The following RNF222 variants were observed in gnomAD, a reference collection of about 807,000 sequenced individuals.
RNF222 encodes the protein ring finger protein 222.
RNF222 carries 14 observed loss-of-function variants against 10.8 expected under a neutral mutation model. That is an observed-to-expected ratio of 1.30 (90% confidence interval 0.86 to 2.03). The LOEUF is 2.03. RNF222 is among the 30% of genes most tolerant of loss of function. RNF222 has a pLI of 0.00. For synonymous variants in RNF222, 141 were observed against 142.5 expected (o/e 0.99, Z 0.07); for missense variants, 298 against 295.8 (o/e 1.01, Z -0.06).
Position 8,392,682 on chromosome 17 carries a change from A to T in RNF222, c.*117T>A. ...GAAGCCCAAGGCCCTCTCTGTGCCC[A>T]GGTCCTCCCCTCTGCCTGCCCGCGT... On this transcript the variant is annotated 3_prime_UTR_variant, in exon 3 of 3. Transcript: ENST00000399398. The surrounding 1 kb of genome is among the most constrained non-coding windows in gnomAD (Gnocchi z 4.3). The T allele has an allele frequency of 7.8e-7, 1 of 1,284,972 alleles. No homozygotes were observed. Among genetic ancestry groups the T allele is most frequent in the African/African-American group, 1.5e-5 (1 of 64,950 alleles). 79.6% of individuals were successfully genotyped at this position (1,284,972 alleles called of 1,614,324 possible).
rs970014307 is a variant in RNF222, at chr17:8,391,339, G to C, written c.*1460C>G. ...CTGGCCACTTCTGTAATCTTGAAAT[G>C]AGCACAGAGAAGCCCACAAGTGCTT... is the stretch of plus-strand genomic sequence containing the variant. On this transcript the variant is annotated 3_prime_UTR_variant, in exon 3 of 3. Transcript: ENST00000399398. 2.6e-5 allele frequency: 4 copies of C among 152,192 alleles called. No individual in the cohort carries two copies. Among genetic ancestry groups the C allele is most frequent in the African/African-American group, 7.2e-5 (3 of 41,428 alleles). 9.4% of individuals were successfully genotyped at this position (152,192 alleles called of 1,614,324 possible).
intron 1 of RNF222, among the ~76,000 whole-genome samples, chr17:8,395,997 G>C (rs1908026282): frequency 6.6e-6 from 1 of 152,206 alleles, no homozygotes. Flanking sequence ...TTGGGGATAA[G>C]TAGTGGCCAA....
chr17:8,393,263 C>G lies in RNF222; in HGVS notation c.199G>C (p.Val67Leu), dbSNP rs752923293. The change falls in exon 3 of 3, where the codon GTC becomes CTC. Residue 67 changes from valine to leucine, a missense_variant. Physicochemically the swap from Val to Leu is conservative, Grantham distance 32. Transcript: ENST00000399398. Reference sequence around the variant, plus strand: ...GAGCTCTTCTTGCTGAGGAATGTGACGTAGCGGCAGATGGGGCAGACCAGG... The same window carrying G: ...GAGCTCTTCTTGCTGAGGAATGTGAGGTAGCGGCAGATGGGGCAGACCAGG... ...RTLVCPICRY[V>L]TFLSKKSSRW... 13 of 1,551,224 alleles carry G rather than the reference C, an allele frequency of 8.4e-6. No individual in the cohort carries two copies. Among genetic ancestry groups the G allele is most frequent in the African/African-American group, 4.1e-5 (3 of 73,048 alleles).
Position 8,392,924 on chromosome 17 carries a change from C to T in RNF222, c.538G>A (p.Ala180Thr). 1 of 1,529,948 alleles carries T rather than the reference C, an allele frequency of 6.5e-7. No individual in the cohort carries two copies. The allele number at this position is 1,529,948 out of a possible 1,614,324, so 94.8% of individuals were successfully genotyped here. The change falls in exon 3 of 3, where the codon GCG becomes ACG. Residue 180 changes from alanine to threonine, a missense_variant. By Grantham distance (58) the Ala-to-Thr change is moderately conservative. Coordinates refer to ENST00000399398, the MANE Select transcript of RNF222 (RefSeq NM_001146684.3). The surrounding 1 kb of genome is among the most constrained non-coding windows in gnomAD (Gnocchi z 4.3). ...CAGAAGGCGCGGGCGGAGCGGGGCG[C>T]CAGGGAGGCCTCCGAGAGCTCTGCC... ...SLAELSEASL[A>T]PRSARAFCCR... is the part of the protein sequence containing the mutation.
chr17:8,395,687 C>T (rs1908016306), intron 1 of RNF222, among the ~76,000 whole-genome samples: 2 of 152,150 alleles, frequency 1.3e-5, no homozygotes, highest in Admixed American at 1.3e-4. Context: ...AATAACGGAA[C>T]AAGATGACAA....
chr17:8,392,662 C>T lies in RNF222; in HGVS notation c.*137G>A, dbSNP rs1014620334. On this transcript the variant is annotated 3_prime_UTR_variant, in exon 3 of 3. Coordinates refer to ENST00000399398, the MANE Select transcript of RNF222 (RefSeq NM_001146684.3). This position sits in a 1 kb window ranked among gnomAD's most constrained non-coding sequence, Gnocchi z 4.3. Reference sequence around the variant, plus strand: ...AAGCCCCTGCGGGGGTCGGGGAAGCCCAAGGCCCTCTCTGTGCCCAGGTCC... The same window carrying T: ...AAGCCCCTGCGGGGGTCGGGGAAGCTCAAGGCCCTCTCTGTGCCCAGGTCC... The T allele has an allele frequency of 1.3e-4, 145 of 1,142,122 alleles. No individual in the cohort carries two copies. Among genetic ancestry groups the T allele is most frequent in the Non-Finnish European group, 4.3e-5 (36 of 837,088 alleles). 70.7% of individuals were successfully genotyped at this position (1,142,122 alleles called of 1,614,324 possible). A position where few individuals can be genotyped will look rare whatever the true frequency, so the allele number is the denominator to read the frequency against.
chr17:8,397,440 A>C (rs1297337071), intron 1 of RNF222, among the ~76,000 whole-genome samples: 1 of 151,778 alleles, frequency 6.6e-6, no homozygotes, highest in African/African-American at 2.4e-5. Flanking sequence ...AACACCCCCC[A>C]TCCCCACCTC....
At chr17:8,393,708 T>C (rs901209670) in intron 2 of RNF222, among the ~76,000 whole-genome samples, 5 of 152,136 alleles carry the variant, frequency 3.3e-5, no homozygotes, top group African/African-American at 1.2e-4. Context: ...CAGATGCTTC[T>C]GGAAGGGAGA....
At position 8,392,921 on chromosome 17, in the gene RNF222, G is replaced by A; in HGVS notation, c.541C>T (p.Pro181Ser). 1 of 1,530,536 alleles carries A rather than the reference G, an allele frequency of 6.5e-7. No homozygotes were observed. Among genetic ancestry groups the A allele is most frequent in the Non-Finnish European group, 8.7e-7 (1 of 1,144,344 alleles). The allele number at this position is 1,530,536 out of a possible 1,614,324, so 94.8% of individuals were successfully genotyped here. ...CAGCAGAAGGCGCGGGCGGAGCGGG[G>A]CGCCAGGGAGGCCTCCGAGAGCTCT... ...LAELSEASLAPRSARAFCCRS... is the reference protein window; with the variant it reads ...LAELSEASLASRSARAFCCRS... The change falls in exon 3 of 3, where the codon CCC becomes TCC. Residue 181 changes from proline to serine, a missense_variant. Pro to Ser is a moderately conservative substitution (Grantham distance 74, BLOSUM62 -1). Transcript: ENST00000399398. This position sits in a 1 kb window ranked among gnomAD's most constrained non-coding sequence, Gnocchi z 4.3.
At position 8,393,568 on chromosome 17, in the gene RNF222, C is replaced by T. The variant is rs951933611; in HGVS notation, c.-25-82G>A. On this transcript the variant is annotated intron_variant, in intron 2 of 2. Coordinates refer to ENST00000399398, the MANE Select transcript of RNF222 (RefSeq NM_001146684.3). ...TAACTCCCACCTACACCTCTGCCTC[C>T]ACTGCCCCTTATCCCCTCTCCCTGT... The T allele has an allele frequency of 5.5e-6, 8 of 1,450,970 alleles. No homozygotes were observed. The African/African-American group carries it at 8.5e-5, about 15-fold the overall frequency. 89.9% of individuals were successfully genotyped at this position (1,450,970 alleles called of 1,614,324 possible).
At chr17:8,394,969 A>G (rs901138874) in intron 1 of RNF222, among the ~76,000 whole-genome samples, 1 of 152,204 alleles carries the variant, frequency 6.6e-6, no homozygotes, top group African/African-American at 2.4e-5. Context: ...CATCCATGAC[A>G]GAGACAAAAG....
At position 8,391,821 on chromosome 17, in the gene RNF222, C is replaced by G. The variant is rs1277007756; in HGVS notation, c.*978G>C. 6.6e-6 allele frequency: 1 copy of G among 152,310 alleles called. No individual in the cohort carries two copies. Among genetic ancestry groups the G allele is most frequent in the African/African-American group, 2.4e-5 (1 of 41,444 alleles). 9.4% of individuals were successfully genotyped at this position (152,310 alleles called of 1,614,324 possible). A position where few individuals can be genotyped will look rare whatever the true frequency, so the allele number is the denominator to read the frequency against. The stretch of plus-strand genomic sequence containing the variant: ...CGTCCCTGACAAGCACAGCTGTTTT[C>G]CTCCCCACCCTTCCTCACCCAGCCC... On this transcript the variant is annotated 3_prime_UTR_variant, in exon 3 of 3. Coordinates refer to ENST00000399398, the MANE Select transcript of RNF222 (RefSeq NM_001146684.3).
chr17:8,394,606 T>C (rs966505953), intron 1 of RNF222, among the ~76,000 whole-genome samples: 5 of 152,092 alleles, frequency 3.3e-5, no homozygotes, highest in African/African-American at 1.2e-4. Context: ...CATGGCTAAT[T>C]TTTGTAATTT....
At chr17:8,394,576 T>C (rs1907980827) in intron 1 of RNF222, among the ~76,000 whole-genome samples, 1 of 152,070 alleles carries the variant, frequency 6.6e-6, no homozygotes, top group African/African-American at 2.4e-5. Context: ...TAGCTGGCAT[T>C]ACAGGTGCAT....
At position 8,392,891 on chromosome 17, in the gene RNF222, A is replaced by C; in HGVS notation, c.571T>G (p.Ser191Ala). The change falls in exon 3 of 3, where the codon TCG becomes GCG. Residue 191 changes from serine to alanine, a missense_variant. By Grantham distance (99) the Ser-to-Ala change is moderately conservative. Transcript: ENST00000399398. The surrounding 1 kb of genome is among the most constrained non-coding windows in gnomAD (Gnocchi z 4.3). ...AGCGTGATGAGCAGCAGGGCCCGCG[A>C]TCGGCAGCAGAAGGCGCGGGCGGAG... Reference protein sequence around the residue: ...PRSARAFCCRSRALLLITLIA... With the variant: ...PRSARAFCCRARALLLITLIA... The C allele has an allele frequency of 6.5e-7, 1 of 1,532,940 alleles. No individual in the cohort carries two copies. Among genetic ancestry groups the C allele is most frequent in the South Asian group, 1.2e-5 (1 of 83,944 alleles). 95.0% of individuals were successfully genotyped at this position (1,532,940 alleles called of 1,614,324 possible). A position where few individuals can be genotyped will look rare whatever the true frequency, so the allele number is the denominator to read the frequency against.
At chr17:8,395,559 T>C (rs1908013631) in intron 1 of RNF222, among the ~76,000 whole-genome samples, 1 of 152,182 alleles carries the variant, frequency 6.6e-6, no homozygotes, top group Admixed American at 6.5e-5. Flanking sequence ...GTCACAGCTC[T>C]TGAGGCAGCC....
At chr17:8,394,963 C>T (rs1907994743) in intron 1 of RNF222, among the ~76,000 whole-genome samples, 1 of 152,152 alleles carries the variant, frequency 6.6e-6, no homozygotes, top group African/African-American at 2.4e-5. Flanking sequence ...TTCTTCCATC[C>T]ATGACAGAGA....
chr17:8,397,264 G>C (rs1177861220), intron 1 of RNF222, among the ~76,000 whole-genome samples: 1 of 152,150 alleles, frequency 6.6e-6, no homozygotes, highest in Non-Finnish European at 1.5e-5. Flanking sequence ...TTTAGGTTTA[G>C]AGTGACCCTA....
In RNF222 at chr17:8,392,646, C is replaced by A. The variant is rs1341621999; in HGVS notation, c.*153G>T. On this transcript the variant is annotated 3_prime_UTR_variant, in exon 3 of 3. Transcript: ENST00000399398. This position sits in a 1 kb window ranked among gnomAD's most constrained non-coding sequence, Gnocchi z 4.3. The stretch of plus-strand genomic sequence containing the variant: ...CCTCTCTGTCGAGCGGAAGCCCCTG[C>A]GGGGGTCGGGGAAGCCCAAGGCCCT... The A allele has an allele frequency of 3.8e-5, 36 of 936,020 alleles. No homozygotes were observed. The highest frequency in any genetic ancestry group is 5.1e-5 in the Non-Finnish European group (33 of 650,686). The allele number at this position is 936,020 out of a possible 1,614,324, so 58.0% of individuals were successfully genotyped here.
Sources: gnomAD v4.1 joint callset for allele counts (sites outside exome capture counted in the v4.1 genomes callset) on GRCh38, gnomAD v4.1.1 for gene constraint, Gnocchi (gnomAD v3.1) non-coding constraint, MANE v1.5 for transcripts, NCBI Gene and HGNC (gene_info 2026-07-23, HGNC 2026-07-21) for gene names.